The following ZCCHC17 variants were observed in gnomAD, a reference collection of about 807,000 sequenced individuals.
ZCCHC17 encodes the protein zinc finger CCHC domain-containing protein 17.
A neutral mutation model predicts 30.6 loss-of-function variants in ZCCHC17; 18 were observed. That is an observed-to-expected ratio of 0.59 (90% CI 0.41 to 0.87). The LOEUF is 0.87. Among genes scored for constraint, ZCCHC17 ranks in the 40% least tolerant of loss-of-function variants. The pLI is 0.00. For missense variants in ZCCHC17, 263 were observed against 284.2 expected (o/e 0.93, Z 0.54); for synonymous variants, 88 against 92.4 (o/e 0.95, Z 0.27).
chr1:31,330,027 C>T (rs1327428892), intron 3 of ZCCHC17, among the ~76,000 whole-genome samples: 1 of 152,108 alleles, frequency 6.6e-6, no homozygotes, highest in Non-Finnish European at 1.5e-5. Context: ...TGTCATATAC[C>T]ATTGATTGGG....
intron 7 of ZCCHC17, among the ~76,000 whole-genome samples, chr1:31,355,516 G>A (rs1326570730): frequency 6.6e-6 from 1 of 152,104 alleles, no homozygotes; most frequent in Non-Finnish European, 1.5e-5. Flanking sequence ...CAGAGAAATT[G>A]ACGTAACTCA....
intron 1 of ZCCHC17, among the ~76,000 whole-genome samples, chr1:31,303,759 CT>C (rs1646377033): frequency 1.3e-5 from 2 of 152,194 alleles, no homozygotes; most frequent in South Asian, 2.1e-4. Flanking sequence ...GCCCTGAAAA[CT>C]TTTTTTCCTA....
chr1:31,297,453 C>T (rs1170749011), intron 1 of ZCCHC17, among the ~76,000 whole-genome samples: 1 of 152,216 alleles, frequency 6.6e-6, no homozygotes, highest in Non-Finnish European at 1.5e-5. Flanking sequence ...CTGTATGCCC[C>T]CCTGAGAGAG....
chr1:31,363,773 C>T (rs1023025877), intron 7 of ZCCHC17, among the ~76,000 whole-genome samples: 27 of 152,092 alleles, frequency 1.8e-4, no homozygotes, highest in African/African-American at 6.3e-4. Context: ...GGCAACAGAG[C>T]GAGACTGTCT....
intron 1 of ZCCHC17, among the ~76,000 whole-genome samples, chr1:31,298,789 G>A (rs1441587358): frequency 6.6e-6 from 1 of 152,192 alleles, no homozygotes; most frequent in African/African-American, 2.4e-5. Flanking sequence ...GATTTGTGTT[G>A]GGAATATAAA....
At position 31,315,179 on chromosome 1, in the gene ZCCHC17, T is replaced by G. The variant is rs574535495; in HGVS notation, c.67-3930T>G. On this transcript the variant is annotated intron_variant, in intron 2 of 7. Coordinates refer to ENST00000344147, the MANE Select transcript of ZCCHC17 (RefSeq NM_016505.4). ...CATATGTCTTGGTAACTACTTCAAATTTATTTAAAATGACTGGGCATCCCT... is the reference window on the plus strand; with the variant it reads ...CATATGTCTTGGTAACTACTTCAAAGTTATTTAAAATGACTGGGCATCCCT... Among the ~76,000 whole-genome samples the G allele has an allele frequency of 2.6e-5, 4 of 152,338 alleles. No homozygotes were observed. In the South Asian group the frequency reaches 8.3e-4, roughly 32 times the overall value.
intron 6 of ZCCHC17, among the ~76,000 whole-genome samples, chr1:31,347,664 G>A (rs964350516): frequency 1.3e-5 from 2 of 152,176 alleles, no homozygotes; most frequent in Non-Finnish European, 2.9e-5. Flanking sequence ...CCAGGCTGGA[G>A]TGTAGTGTTA....
chr1:31,298,697 T>TATTG (rs948878360), intron 1 of ZCCHC17, among the ~76,000 whole-genome samples: 15 of 152,314 alleles, frequency 9.8e-5, no homozygotes, highest in African/African-American at 1.4e-4. Flanking sequence ...GATCAGTTTT[T>TATTG]ATTGATTGAT....
intron 7 of ZCCHC17, among the ~76,000 whole-genome samples, chr1:31,352,184 CAT>C (rs549101164): frequency 6.6e-6 from 1 of 152,134 alleles, no homozygotes; most frequent in Non-Finnish European, 1.5e-5. Context: ...GTAAAATACA[CAT>C]AACATAAAAT....
intron 6 of ZCCHC17, among the ~76,000 whole-genome samples, chr1:31,347,443 G>C (rs907599118): frequency 5.3e-5 from 8 of 152,024 alleles, no homozygotes; most frequent in Non-Finnish European, 8.8e-5. Context: ...GAAGTTGTGG[G>C]GTTTTAAGCC....
At chr1:31,350,672 TCATTGCAG>T (rs1639437614) in intron 7 of ZCCHC17, among the ~76,000 whole-genome samples, 1 of 151,660 alleles carries the variant, frequency 6.6e-6, no homozygotes, top group Non-Finnish European at 1.5e-5. Context: ...TGATCTCGGC[TCATTGCAG>T]CTTCCGCCTC....
chr1:31,319,318 T>G (rs1005176451), intron 3 of ZCCHC17, 152 bp downstream of exon 3: 16 of 627,094 alleles, frequency 2.6e-5, no homozygotes, highest in East Asian at 1.7e-4. Context: ...AAGATGACAG[T>G]TCATTTTTAG....
chr1:31,328,293 G>A (rs963550188), intron 3 of ZCCHC17, among the ~76,000 whole-genome samples: 1 of 152,100 alleles, frequency 6.6e-6, no homozygotes, highest in Non-Finnish European at 1.5e-5. Flanking sequence ...TAGGTGGATC[G>A]CTTGAGCTCA....
intron 1 of ZCCHC17, among the ~76,000 whole-genome samples, chr1:31,307,038 A>G (rs1006180452): frequency 2.0e-5 from 3 of 151,408 alleles, no homozygotes; most frequent in Non-Finnish European, 2.9e-5. Flanking sequence ...GGGTTTCACT[A>G]TGTTGGCCGG....
chr1:31,334,333 CTCTCTGTG>C (rs1273679969), intron 3 of ZCCHC17, among the ~76,000 whole-genome samples: 94 of 60,946 alleles, frequency 1.5e-3, no homozygotes, highest in African/African-American at 5.7e-3. Context: ...CTCTCTCTCT[CTCTCTGTG>C]TGTGTGTGTG....
chr1:31,338,193 C>T (rs1638896717), intron 4 of ZCCHC17, among the ~76,000 whole-genome samples: 1 of 150,340 alleles, frequency 6.7e-6, no homozygotes, highest in African/African-American at 2.5e-5. Flanking sequence ...GTGTTACTAC[C>T]CAGGCTGGTT....
At chr1:31,347,141 C>A (rs1439328510) in intron 6 of ZCCHC17, among the ~76,000 whole-genome samples, 1 of 152,224 alleles carries the variant, frequency 6.6e-6, no homozygotes, top group African/African-American at 2.4e-5. Context: ...GTCAGACTCT[C>A]ATCTTTATCT....
At chr1:31,316,939 G>T (rs1402251026) in intron 2 of ZCCHC17, among the ~76,000 whole-genome samples, 3 of 151,834 alleles carry the variant, frequency 2.0e-5, no homozygotes, top group African/African-American at 7.3e-5. Flanking sequence ...TCCTAACATT[G>T]AAGTGAGTAA....
chr1:31,324,906 A>C (rs1638274798), intron 3 of ZCCHC17, among the ~76,000 whole-genome samples: 1 of 152,052 alleles, frequency 6.6e-6, no homozygotes, highest in Admixed American at 6.5e-5. Context: ...CCTAAAGCAT[A>C]GGGGCCAGGC....
Sources: gnomAD v4.1 joint callset for allele counts (sites outside exome capture counted in the v4.1 genomes callset) on GRCh38, gnomAD v4.1.1 for gene constraint, MANE v1.5 for transcripts, NCBI Gene and HGNC (gene_info 2026-07-23, HGNC 2026-07-21) for gene names.